Variants in IDH3A observed in about 807,000 individuals in gnomAD.
The protein encoded by IDH3A is isocitrate dehydrogenase (NAD(+)) 3 catalytic subunit alpha.
IDH3A carries 23 observed loss-of-function variants against 43.3 expected under a neutral mutation model. The observed-to-expected ratio is 0.53, with a 90% CI of 0.38 to 0.75. The LOEUF (loss-of-function observed/expected upper bound fraction) is 0.75. IDH3A is among the 30% of genes least tolerant of loss of function. The pLI, the probability that IDH3A is intolerant of heterozygous loss-of-function variation, is 0.00. For missense variants in IDH3A, 329 were observed against 474.4 expected (o/e 0.69, Z 2.85); for synonymous variants, 154 against 163.5 (o/e 0.94, Z 0.44).
intron 10 of IDH3A, chr15:78,166,595 C>A: frequency 2.9e-6 from 1 of 343,304 alleles, no homozygotes; most frequent in East Asian, 5.9e-5. Flanking sequence ...CAGGTGCACG[C>A]CCAATTATCC....
chr15:78,153,105 T>G (rs531963174), intron 1 of IDH3A, among the ~76,000 whole-genome samples: 6 of 152,132 alleles, frequency 3.9e-5, no homozygotes, highest in Non-Finnish European at 7.4e-5. Flanking sequence ...TTTTTCATTC[T>G]TTCTTTCTTT....
In IDH3A at chr15:78,161,920, G is replaced by A; in HGVS notation, c.477+152G>A. 1 of 740,318 alleles carries A rather than the reference G, an allele frequency of 1.4e-6. No individual in the cohort carries two copies. The highest frequency in any genetic ancestry group is 2.6e-5 in the East Asian group (1 of 38,428). 45.9% of individuals were successfully genotyped at this position (740,318 alleles called of 1,614,324 possible). ...GCTGACAGTACTCAAACAAATGTAA[G>A]GCATGGTGGTTCGCGTCACAAGCTT... On this transcript the variant is annotated intron_variant, in intron 5 of 10. Coordinates refer to ENST00000299518, the MANE Select transcript of IDH3A (RefSeq NM_005530.3). This position sits in a 1 kb window ranked among gnomAD's most constrained non-coding sequence, Gnocchi z 4.8.
At position 78,163,507 on chromosome 15, in the gene IDH3A, G is replaced by A. The variant is rs2074705330; in HGVS notation, c.612G>A (p.Met204Ile). ...NVTAVHKANI[M>I]RMSDGLFLQK... ...GCAGTTTTTATTTGATTAAATACAG[G>A]CGGATGTCAGATGGGCTTTTTCTAC... Residue 204 changes from methionine (M) to isoleucine (I), a missense_variant and splice_region_variant, in exon 7 of 11, where the codon ATG (methionine) becomes ATA (isoleucine). Coordinates refer to ENST00000299518, the MANE Select transcript of IDH3A (RefSeq NM_005530.3). 1 of 1,604,370 alleles carries A rather than the reference G, an allele frequency of 6.2e-7. No homozygotes were observed. Among genetic ancestry groups the A allele is most frequent in the Non-Finnish European group, 8.5e-7 (1 of 1,171,996 alleles).
Position 78,149,443 on chromosome 15 carries a change from A to G in IDH3A, c.27+13A>G, listed in dbSNP as rs1281067088. On this transcript the variant is annotated intron_variant, in intron 1 of 10. Coordinates refer to ENST00000299518, the MANE Select transcript of IDH3A (RefSeq NM_005530.3). Reference sequence around the variant, plus strand: ...GTGGATCTCTAAGGTGAGCGCTGGCAGGCCGGCGTGTGGCAGGCAGGCAGG... The same window carrying G: ...GTGGATCTCTAAGGTGAGCGCTGGCGGGCCGGCGTGTGGCAGGCAGGCAGG... The G allele has an allele frequency of 6.5e-7, 1 of 1,538,270 alleles. No individual in the cohort carries two copies. The highest frequency in any genetic ancestry group is 8.7e-7 in the Non-Finnish European group (1 of 1,149,378).
chr15:78,158,713 G>T (rs899156362), intron 3 of IDH3A, among the ~76,000 whole-genome samples: 2 of 150,870 alleles, frequency 1.3e-5, no homozygotes, highest in African/African-American at 4.9e-5. Flanking sequence ...CTGACCTCAG[G>T]TGATCTGCCC....
In IDH3A at chr15:78,165,040, C is replaced by T. The variant is rs551078536; in HGVS notation, c.828C>T (p.Gly276=). The change falls in exon 9 of 11, where the codon GGC becomes GGT. Residue 276 remains glycine (G), a synonymous_variant. Coordinates refer to ENST00000299518, the MANE Select transcript of IDH3A (RefSeq NM_005530.3). The part of the protein sequence containing the change: ...LIGGLGVTPS[G]NIGANGVAIF... ...GAGGTCTCGGTGTGACACCAAGTGG[C>T]AACATTGGAGCCAATGGGGTTGCAA... 5.6e-6 allele frequency: 9 copies of T among 1,613,650 alleles called. No homozygotes were observed. The East Asian group carries it at 1.8e-4, about 32-fold the overall frequency.
chr15:78,165,676 C>T (rs1025991369), intron 9 of IDH3A, among the ~76,000 whole-genome samples: 6 of 112,200 alleles, frequency 5.3e-5, no homozygotes, highest in African/African-American at 1.9e-4. Context: ...TTTATTTCTC[C>T]AAGTCTTTAT....
intron 1 of IDH3A, chr15:78,151,025 T>A (rs1489728624): frequency 6.6e-6 from 1 of 152,234 alleles, no homozygotes. Context: ...TGCTGGTAAA[T>A]CTGTTTTGCC....
rs1364789162 is a variant in IDH3A, at chr15:78,169,698, G to A, written c.*693G>A. The A allele has an allele frequency of 6.6e-6, 1 of 152,102 alleles. No homozygotes were observed. The highest frequency in any genetic ancestry group is 2.1e-4 in the South Asian group (1 of 4,818). 9.4% of individuals were successfully genotyped at this position (152,102 alleles called of 1,614,324 possible). ...AATGTATTGTGTGTTCAATTATTTT[G>A]TTGTCTTGAGATTTAATATTCTTTC... is the stretch of plus-strand genomic sequence containing the variant. On this transcript the variant is annotated 3_prime_UTR_variant, in exon 11 of 11. Coordinates refer to ENST00000299518, the MANE Select transcript of IDH3A (RefSeq NM_005530.3).
intron 1 of IDH3A, among the ~76,000 whole-genome samples, chr15:78,149,725 C>T (rs1405736726): frequency 4.6e-5 from 7 of 152,370 alleles, no homozygotes. Flanking sequence ...TCACCCGCAT[C>T]CGCCCAGGCC....
intron 9 of IDH3A, among the ~76,000 whole-genome samples, chr15:78,165,928 ATCT>A (rs1254226863): frequency 5.3e-5 from 8 of 152,018 alleles, no homozygotes; most frequent in Admixed American, 3.9e-4. Context: ...GCCTCAAGTG[ATCT>A]TCTTGCCTTG....
rs747375549 is a variant in IDH3A at position 78,161,706 on chromosome 15, G to A, written c.415G>A (p.Asp139Asn). 5 of 1,614,088 alleles carry A rather than the reference G, an allele frequency of 3.1e-6. No individual in the cohort carries two copies. Among genetic ancestry groups the A allele is most frequent in the Admixed American group, 1.7e-5 (1 of 60,022 alleles). ...SIEGYKTPYT[D>N]VNIVTIRENT... Reference sequence around the variant, plus strand: ...CGAAGGCTATAAAACCCCTTACACCGATGTAAATATTGTGACCATTCGAGA... The same window carrying A: ...CGAAGGCTATAAAACCCCTTACACCAATGTAAATATTGTGACCATTCGAGA... The change falls in exon 5 of 11, where the codon GAT becomes AAT. Residue 139 changes from aspartate to asparagine, a missense_variant. Around this residue, in one of 3 missense-constraint regions of IDH3A, gnomAD observed 212 missense variants for 345.5 expected, o/e 0.61. Transcript: ENST00000299518. The surrounding 1 kb of genome is among the most constrained non-coding windows in gnomAD (Gnocchi z 4.8).
At chr15:78,157,341 C>T (rs1376137203) in intron 2 of IDH3A, 4 of 640,640 alleles carry the variant, frequency 6.2e-6, no homozygotes, top group Non-Finnish European at 9.8e-6. Flanking sequence ...CCTCTGAACT[C>T]AGGTAAAGAG....
At chr15:78,165,154 G>T in intron 9 of IDH3A, 78 bp downstream of exon 9, 1 of 830,606 alleles carries the variant, frequency 1.2e-6, no homozygotes, top group Non-Finnish European at 2.0e-6. Context: ...GTATAAGTAT[G>T]CTTTAACTCC....
chr15:78,158,499 A>T (rs1243008692), intron 3 of IDH3A, among the ~76,000 whole-genome samples: 1 of 68,380 alleles, frequency 1.5e-5, no homozygotes, highest in Non-Finnish European at 2.9e-5. Context: ...TTTTTGAGAC[A>T]GAGTTTTGCT....
chr15:78,158,313 G>A (rs374814486), intron 3 of IDH3A, among the ~76,000 whole-genome samples: 11 of 151,446 alleles, frequency 7.3e-5, no homozygotes, highest in South Asian at 2.1e-4. Flanking sequence ...GAACAGCACC[G>A]TGTCTGTCTG....
At chr15:78,152,539 T>C (rs931915668) in intron 1 of IDH3A, among the ~76,000 whole-genome samples, 9 of 151,528 alleles carry the variant, frequency 5.9e-5, no homozygotes, top group African/African-American at 2.2e-4. Context: ...TTTGTATTTT[T>C]AGTAGAGACA....
At chr15:78,166,699 T>G (rs1341840009) in intron 10 of IDH3A, among the ~76,000 whole-genome samples, 1 of 152,210 alleles carries the variant, frequency 6.6e-6, no homozygotes, top group Non-Finnish European at 1.5e-5. Context: ...TGTCATAATC[T>G]TGGCTCACTG....
Position 78,163,505 on chromosome 15 carries a change from A to G in IDH3A, c.612-2A>G. 1 of 1,601,294 alleles carries G rather than the reference A, an allele frequency of 6.2e-7. No homozygotes were observed. Among genetic ancestry groups the G allele is most frequent in the Non-Finnish European group, 8.5e-7 (1 of 1,169,858 alleles). On this transcript the variant is annotated splice_acceptor_variant, in intron 6 of 10. Transcript: ENST00000299518. LOFTEE classifies it high-confidence loss of function. ...CAGCAGTTTTTATTTGATTAAATAC[A>G]GGCGGATGTCAGATGGGCTTTTTCT...
Sources: gnomAD v4.1 joint callset for allele counts (sites outside exome capture counted in the v4.1 genomes callset) on GRCh38, gnomAD v4.1.1 for gene constraint, gnomAD v4.1.1 regional missense constraint, Gnocchi (gnomAD v3.1) non-coding constraint, MANE v1.5 for transcripts, NCBI Gene and HGNC (gene_info 2026-07-23, HGNC 2026-07-21) for gene names.